The following WDR72 variants were observed in gnomAD, a reference collection of about 807,000 sequenced individuals.
WDR72 encodes WD repeat domain 72, also known as WD repeat-containing protein 72.
In WDR72, 120 loss-of-function variants were observed where a neutral mutation model predicts 124.2. The observed-to-expected ratio is 0.97, with a 90% CI of 0.83 to 1.12. WDR72 has a LOEUF of 1.12. WDR72 is among the 50% of genes most tolerant of loss of function. The pLI, the probability that WDR72 is intolerant of heterozygous loss-of-function variation, is 0.00. For missense variants in WDR72, 1,387 were observed against 1,278.8 expected (o/e 1.08, Z -1.29); for synonymous variants, 452 against 441.7 (o/e 1.02, Z -0.29).
chr15:53,575,426 T>A (rs1894717958), intron 18 of WDR72, among the ~76,000 whole-genome samples: 1 of 152,202 alleles, frequency 6.6e-6, no homozygotes, highest in African/African-American at 2.4e-5. Flanking sequence ...AATAAAGTTT[T>A]AATTAATAAC....
chr15:53,607,260 A>G (rs563862700), intron 17 of WDR72, among the ~76,000 whole-genome samples: 1 of 152,188 alleles, frequency 6.6e-6, no homozygotes, highest in African/African-American at 2.4e-5. Context: ...AGAATTAAAA[A>G]AAAAAGACTT....
rs1430723067 is a variant in WDR72 at position 53,665,633 on chromosome 15, G to C, written c.1901C>G (p.Ser634Cys). 6.2e-7 allele frequency: 1 copy of C among 1,613,816 alleles called. No individual in the cohort carries two copies. Among genetic ancestry groups the C allele is most frequent in the Non-Finnish European group, 8.5e-7 (1 of 1,179,880 alleles). ...TAATGGCCCAAGCTGGTAGGGGCTG[G>C]AGGATCTCTGTTCTATACTTTTGTG... The part of the protein sequence containing the change: ...LKHKSIEQRS[S>C]SPYQLGPLPC... Residue 634 changes from serine to cysteine, a missense_variant, in exon 14 of 20, where the codon TCC becomes TGC. Physicochemically the swap from Ser to Cys is moderately radical, Grantham distance 112. Transcript: ENST00000360509.
intron 1 of WDR72, among the ~76,000 whole-genome samples, chr15:53,755,596 A>G (rs1302554055): frequency 6.6e-6 from 1 of 152,242 alleles, no homozygotes; most frequent in Non-Finnish European, 1.5e-5. Flanking sequence ...TAATTAATTT[A>G]ACAAAGATTT....
At chr15:53,699,691 G>A in intron 13 of WDR72, 59 bp downstream of exon 13, 2 of 1,576,280 alleles carry the variant, frequency 1.3e-6, no homozygotes. Flanking sequence ...TTTCCATCTG[G>A]TCAAATGCTT....
intron 18 of WDR72, among the ~76,000 whole-genome samples, chr15:53,558,315 T>G (rs1283968142): frequency 3.3e-5 from 5 of 152,074 alleles, no homozygotes; most frequent in Admixed American, 2.0e-4. Context: ...ACCTGGCAGA[T>G]TTTTGGCCTT....
chr15:53,625,382 C>G (rs1286893334), intron 14 of WDR72, among the ~76,000 whole-genome samples: 2 of 152,200 alleles, frequency 1.3e-5, no homozygotes, highest in African/African-American at 2.4e-5. Context: ...AAAATCATCA[C>G]TTTTACTACT....
chr15:53,722,777 G>A, intron 3 of WDR72, 25 bp downstream of exon 3: 2 of 1,598,002 alleles, frequency 1.3e-6, no homozygotes, highest in Non-Finnish European at 1.7e-6. Context: ...TGGAGAAGGG[G>A]ACAAAGTTTA....
chr15:53,613,728 T>A lies in WDR72; in HGVS notation c.2810A>T (p.Lys937Met). ...SSFRMESIHN[K>M]MRGAGNDILN... ...AATGTCATTCCCAGCACCTCTCATC[T>A]TATTATGTATACTTTCCATTCTGAA... The change falls in exon 16 of 20, where the codon AAG becomes ATG. Residue 937 changes from lysine (K) to methionine (M), a missense_variant. Coordinates refer to ENST00000360509, the MANE Select transcript of WDR72 (RefSeq NM_182758.4). The A allele has an allele frequency of 1.2e-6, 2 of 1,609,660 alleles. No individual in the cohort carries two copies. Among genetic ancestry groups the A allele is most frequent in the East Asian group, 4.5e-5 (2 of 44,722 alleles).
intron 13 of WDR72, among the ~76,000 whole-genome samples, chr15:53,676,370 T>C (rs1381737545): frequency 6.6e-6 from 1 of 152,252 alleles, no homozygotes; most frequent in Non-Finnish European, 1.5e-5. Flanking sequence ...AATAAGCAGA[T>C]TATTCAAATA....
intron 13 of WDR72, among the ~76,000 whole-genome samples, chr15:53,686,942 A>G (rs2016654679): frequency 6.6e-6 from 1 of 151,650 alleles, no homozygotes; most frequent in African/African-American, 2.4e-5. Flanking sequence ...GAAACTGAAC[A>G]ACCTGCTCCT....
chr15:53,595,600 A>T (rs2012733276), intron 18 of WDR72, among the ~76,000 whole-genome samples: 1 of 152,186 alleles, frequency 6.6e-6, no homozygotes, highest in Non-Finnish European at 1.5e-5. Context: ...CAGAAATGAC[A>T]TCTACTGAGA....
chr15:53,726,201 T>C (rs2018022214), intron 2 of WDR72, among the ~76,000 whole-genome samples: 1 of 142,118 alleles, frequency 7.0e-6, no homozygotes, highest in South Asian at 2.1e-4. Flanking sequence ...TATGTGTGTG[T>C]GTATATATAT....
In WDR72 at chr15:53,744,300, G is replaced by A. The variant is rs2018587712; in HGVS notation, c.-12-11139C>T. On this transcript the variant is annotated intron_variant, in intron 1 of 19. Transcript: ENST00000360509. Reference sequence around the variant, plus strand: ...GATATGAAGAAGGATGAGAAGCATTGAATTACATAAAACTTGTCTAGAAAT... The same window carrying A: ...GATATGAAGAAGGATGAGAAGCATTAAATTACATAAAACTTGTCTAGAAAT... Among the ~76,000 whole-genome samples the A allele has an allele frequency of 2.6e-5, 4 of 152,118 alleles. No individual in the cohort carries two copies. The South Asian group carries it at 8.3e-4, about 32-fold the overall frequency.
At chr15:53,536,375 G>A (rs1892762015) in intron 18 of WDR72, among the ~76,000 whole-genome samples, 2 of 152,170 alleles carry the variant, frequency 1.3e-5, no homozygotes, top group Admixed American at 6.5e-5. Context: ...TGAATGGTTG[G>A]ATTGGCAAGA....
intron 1 of WDR72, among the ~76,000 whole-genome samples, chr15:53,744,343 G>A (rs182535990): frequency 1.2e-4 from 18 of 152,252 alleles, no homozygotes; most frequent in Admixed American, 8.5e-4. Context: ...ATTTAAAGCC[G>A]TAGAGGGCTC....
At chr15:53,628,787 T>A (rs892382056) in intron 14 of WDR72, among the ~76,000 whole-genome samples, 2 of 152,072 alleles carry the variant, frequency 1.3e-5, no homozygotes, top group Admixed American at 1.3e-4. Context: ...CTAAATTTTT[T>A]AAATTCATAC....
At chr15:53,567,664 T>C (rs1894349795) in intron 18 of WDR72, among the ~76,000 whole-genome samples, 1 of 151,934 alleles carries the variant, frequency 6.6e-6, no homozygotes. Context: ...AAACTAAGAC[T>C]GGACCAAACT....
intron 18 of WDR72, among the ~76,000 whole-genome samples, chr15:53,558,144 A>G (rs1252667663): frequency 6.6e-6 from 1 of 152,088 alleles, no homozygotes; most frequent in East Asian, 1.9e-4. Flanking sequence ...AATGTGTCCT[A>G]GAATCTATTG....
At chr15:53,723,176 T>A (rs1454696080) in intron 2 of WDR72, among the ~76,000 whole-genome samples, 1 of 151,142 alleles carries the variant, frequency 6.6e-6, no homozygotes, top group South Asian at 2.1e-4. Flanking sequence ...AACAGCTAGG[T>A]TGTGAATACA....
Sources: allele counts gnomAD v4.1 joint callset (sites outside exome capture counted in the v4.1 genomes callset), GRCh38; gene constraint gnomAD v4.1.1; transcripts MANE v1.5; gene names NCBI Gene and HGNC (gene_info 2026-07-23, HGNC 2026-07-21).